IGF2BP2: variants seen among roughly 807,000 people sequenced by gnomAD.
IGF2BP2 encodes insulin like growth factor 2 mRNA binding protein 2, also known as insulin-like growth factor 2 mRNA-binding protein 2.
Under a neutral mutation model 75.8 loss-of-function variants are expected in IGF2BP2, and 17 were observed. The observed-to-expected ratio is 0.22, with a 90% CI of 0.15 to 0.34. The LOEUF (loss-of-function observed/expected upper bound fraction) is 0.34. IGF2BP2 is among the 10% of genes least tolerant of loss of function. The pLI is 1.00. For missense variants in IGF2BP2, 516 were observed against 772.4 expected (o/e 0.67, Z 3.93); for synonymous variants, 288 against 295.6 (o/e 0.97, Z 0.26).
rs995947901 is a variant in IGF2BP2, at chr3:185,795,211, A to G, written c.239+27942T>C. On this transcript the variant is annotated intron_variant, in intron 2 of 15. Coordinates refer to ENST00000382199, the MANE Select transcript of IGF2BP2 (RefSeq NM_006548.6). ...CACGCCCAGCCTCCAGTTATCTTCT[A>G]TAAGTGGGATCATATAGTGCTTATC... Among the ~76,000 whole-genome samples, 8 of 152,300 alleles carry G rather than the reference A, an allele frequency of 5.3e-5. No homozygotes were observed. The South Asian group carries it at 8.3e-4, about 16-fold the overall frequency.
At chr3:185,775,607 A>C (rs541285258) in intron 2 of IGF2BP2, among the ~76,000 whole-genome samples, 1 of 152,216 alleles carries the variant, frequency 6.6e-6, no homozygotes, top group Non-Finnish European at 1.5e-5. Context: ...AGGGAACATC[A>C]TTCTGAGCAA....
chr3:185,803,100 C>T (rs1483466723), intron 2 of IGF2BP2, among the ~76,000 whole-genome samples: 1 of 152,230 alleles, frequency 6.6e-6, no homozygotes, highest in East Asian at 1.9e-4. Flanking sequence ...CGCCTGTAAT[C>T]CCAGCACTTT....
chr3:185,643,883 T>C lies in IGF2BP2; in HGVS notation c.*1648A>G, dbSNP rs1334601101. The stretch of plus-strand genomic sequence containing the variant: ...CTTGTCCACATAAACCAGTACATGT[T>C]CATCCTTTAGCGCAAAAAGCCCTAA... On this transcript the variant is annotated 3_prime_UTR_variant, in exon 16 of 16. Transcript: ENST00000382199. 1 of 151,918 alleles carries C rather than the reference T, an allele frequency of 6.6e-6. No individual in the cohort carries two copies. Among genetic ancestry groups the C allele is most frequent in the Non-Finnish European group, 1.5e-5 (1 of 67,910 alleles). 9.4% of individuals were successfully genotyped at this position (151,918 alleles called of 1,614,324 possible).
At chr3:185,727,571 A>G (rs1727532448) in intron 2 of IGF2BP2, among the ~76,000 whole-genome samples, 1 of 152,186 alleles carries the variant, frequency 6.6e-6, no homozygotes, top group Admixed American at 6.5e-5. Flanking sequence ...TGTGAAAAAG[A>G]CTTTACTTGA....
At chr3:185,748,550 C>A (rs1315991245) in intron 2 of IGF2BP2, among the ~76,000 whole-genome samples, 1 of 152,194 alleles carries the variant, frequency 6.6e-6, no homozygotes, top group East Asian at 1.9e-4. Context: ...AAATTGTAGA[C>A]CAGCAGTAGA....
chr3:185,660,766 G>A (rs1358025392), intron 10 of IGF2BP2, among the ~76,000 whole-genome samples: 1 of 152,214 alleles, frequency 6.6e-6, no homozygotes, highest in Non-Finnish European at 1.5e-5. Context: ...CCTGGGCCAT[G>A]AAGAGCTGGG....
chr3:185,790,625 G>A (rs35357237), intron 2 of IGF2BP2, among the ~76,000 whole-genome samples: 4 of 151,824 alleles, frequency 2.6e-5, no homozygotes, highest in East Asian at 1.9e-4. Context: ...TGTTTTTTCC[G>A]TGTGAAACTA....
intron 2 of IGF2BP2, among the ~76,000 whole-genome samples, chr3:185,742,913 A>G (rs531541001): frequency 6.6e-6 from 1 of 152,206 alleles, no homozygotes; most frequent in East Asian, 1.9e-4. Context: ...AGCCTGGCCA[A>G]TATGGTGAAA....
Position 185,687,965 on chromosome 3 carries a change from CAA to C in IGF2BP2, c.678-776_678-775del, listed in dbSNP as rs1721382021. On this transcript the variant is annotated intron_variant, in intron 6 of 15. Coordinates refer to ENST00000382199, the MANE Select transcript of IGF2BP2 (RefSeq NM_006548.6). Reference sequence around the variant, plus strand: ...CAAGCCACCTTACACAATTTTTGCACAAAAAGACACAAATAAAAGTCACTTTC... The same window carrying C: ...CAAGCCACCTTACACAATTTTTGCACAAAGACACAAATAAAAGTCACTTTC... Among the ~76,000 whole-genome samples the C allele has an allele frequency of 3.3e-5, 5 of 151,870 alleles. No individual in the cohort carries two copies. In the South Asian group the frequency reaches 1.0e-3, roughly 32 times the overall value.
At chr3:185,713,768 T>G (rs1314539297) in intron 2 of IGF2BP2, among the ~76,000 whole-genome samples, 1 of 152,222 alleles carries the variant, frequency 6.6e-6, no homozygotes, top group South Asian at 2.1e-4. Flanking sequence ...TGGCGCAATC[T>G]CAGCTCACTG....
In IGF2BP2 at chr3:185,696,659, A is replaced by G; in HGVS notation, c.293T>C (p.Leu98Ser). The change falls in exon 4 of 16, where the codon TTG becomes TCG. Residue 98 changes from leucine (L) to serine (S), a missense_variant. Physicochemically the swap from Leu to Ser is moderately radical, Grantham distance 145 (BLOSUM62 -2). Around this residue, in one of 3 missense-constraint regions of IGF2BP2, gnomAD observed 312 missense variants for 474.5 expected, o/e 0.66. Transcript: ENST00000382199. ...CCCATATTGAGCCAAAAGTCCATCC[A>G]ACACCTAAAAGAGAAAGCTTCCATG... ...NIPPHLQWEV[L>S]DGLLAQYGTV... The G allele has an allele frequency of 6.2e-7, 1 of 1,613,734 alleles. No individual in the cohort carries two copies. Among genetic ancestry groups the G allele is most frequent in the Non-Finnish European group, 8.5e-7 (1 of 1,179,750 alleles).
At chr3:185,760,978 C>A (rs1367468912) in intron 2 of IGF2BP2, among the ~76,000 whole-genome samples, 1 of 151,898 alleles carries the variant, frequency 6.6e-6, no homozygotes, top group African/African-American at 2.4e-5. Context: ...TTTTCTTATA[C>A]TTCAAATATT....
At chr3:185,686,984 C>G in intron 7 of IGF2BP2, 73 bp downstream of exon 7, 1 of 1,535,616 alleles carries the variant, frequency 6.5e-7, no homozygotes, top group Admixed American at 2.1e-5. Flanking sequence ...TTAAAAAAAA[C>G]CTCTTGGGTT....
intron 2 of IGF2BP2, among the ~76,000 whole-genome samples, chr3:185,780,969 A>G (rs1735133559): frequency 1.3e-5 from 2 of 152,228 alleles, no homozygotes; most frequent in African/African-American, 4.8e-5. Context: ...ATTTAAATAT[A>G]ATACCTATCC....
At chr3:185,749,165 A>AAGAAAAAAG in intron 2 of IGF2BP2, among the ~76,000 whole-genome samples, 1 of 152,214 alleles carries the variant, frequency 6.6e-6, no homozygotes, top group Admixed American at 6.5e-5. Context: ...CTCCGTCTAA[A>AAGAAAAAAG]AGAAAAAAGA....
intron 7 of IGF2BP2, among the ~76,000 whole-genome samples, chr3:185,684,445 C>T (rs1010314555): frequency 6.6e-6 from 1 of 151,910 alleles, no homozygotes; most frequent in African/African-American, 2.4e-5. Flanking sequence ...CGCTCTGTCG[C>T]CCAGGCTGGA....
At chr3:185,797,429 C>T (rs911270162) in intron 2 of IGF2BP2, among the ~76,000 whole-genome samples, 3 of 152,188 alleles carry the variant, frequency 2.0e-5, no homozygotes, top group African/African-American at 7.2e-5. Flanking sequence ...TTTGGACACC[C>T]CAAAGAGAAC....
intron 2 of IGF2BP2, among the ~76,000 whole-genome samples, chr3:185,704,000 C>G (rs190231096): frequency 6.6e-6 from 1 of 152,206 alleles, no homozygotes; most frequent in East Asian, 1.9e-4. Context: ...GAGAATTAGG[C>G]CAACTAGGAA....
intron 10 of IGF2BP2, among the ~76,000 whole-genome samples, chr3:185,667,744 T>C (rs1439951156): frequency 6.6e-6 from 1 of 152,198 alleles, no homozygotes; most frequent in Non-Finnish European, 1.5e-5. Context: ...CAAAGATTTA[T>C]GTAGAGGCAC....
Sources: gnomAD v4.1 joint callset for allele counts (sites outside exome capture counted in the v4.1 genomes callset) on GRCh38, gnomAD v4.1.1 for gene constraint, gnomAD v4.1.1 regional missense constraint, MANE v1.5 for transcripts, NCBI Gene and HGNC (gene_info 2026-07-23, HGNC 2026-07-21) for gene names.